The following GRM4 variants were observed in gnomAD, a reference collection of about 807,000 sequenced individuals.
GRM4 encodes the protein glutamate metabotropic receptor 4.
Under a neutral mutation model 81.7 loss-of-function variants are expected in GRM4, and 28 were observed. That is an observed-to-expected ratio of 0.34 (90% CI 0.25 to 0.47). The LOEUF is 0.47. Ranked by LOEUF, GRM4 falls within the 20% of genes least tolerant of loss-of-function variation. The pLI is 1.00. For missense variants in GRM4, 948 were observed against 1,290.0 expected, an observed-to-expected ratio of 0.73 and a Z score of 4.06; for synonymous variants, 488 against 528.8, an observed-to-expected ratio of 0.92 and a Z score of 1.06.
At chr6:34,066,132 C>T (rs986215140) in intron 3 of GRM4, among the ~76,000 whole-genome samples, 5 of 152,168 alleles carry the variant, frequency 3.3e-5, no homozygotes, top group Non-Finnish European at 4.4e-5. Flanking sequence ...CAGAACCACA[C>T]GGCAGCGTCT....
intron 6 of GRM4, among the ~76,000 whole-genome samples, chr6:34,043,968 T>G (rs566411765): frequency 2.6e-5 from 4 of 152,078 alleles, no homozygotes; most frequent in African/African-American, 9.6e-5. Flanking sequence ...CTACCCCCAG[T>G]AGCATATGGA....
At position 34,070,071 on chromosome 6, in the gene GRM4, C is replaced by G. The variant is rs1214757771; in HGVS notation, c.737-8043G>C. Among the ~76,000 whole-genome samples, 1 of 152,180 alleles carries G rather than the reference C, an allele frequency of 6.6e-6. No homozygotes were observed. The highest frequency in any genetic ancestry group is 1.5e-5 in the Non-Finnish European group (1 of 68,010). On this transcript the variant is annotated intron_variant, in intron 3 of 10. Coordinates refer to ENST00000538487, the MANE Select transcript of GRM4 (RefSeq NM_000841.4). This position sits in a 1 kb window ranked among gnomAD's most constrained non-coding sequence, Gnocchi z 4.6. Reference sequence around the variant, plus strand: ...TTTTGAAGGGACAGCTCGGCAGGAGCTGCCAGCATGGGCGTGAGGGCAGAG... The same window carrying G: ...TTTTGAAGGGACAGCTCGGCAGGAGGTGCCAGCATGGGCGTGAGGGCAGAG...
At chr6:34,110,815 G>C in intron 2 of GRM4, 1 of 1,383,760 alleles carries the variant, frequency 7.2e-7, no homozygotes, top group Non-Finnish European at 9.3e-7. Context: ...CATCTGTCTT[G>C]CCTGGCAGCT....
intron 6 of GRM4, among the ~76,000 whole-genome samples, chr6:34,053,263 TC>T (rs1218656788): frequency 1.3e-5 from 2 of 151,934 alleles, no homozygotes; most frequent in Non-Finnish European, 2.9e-5. Context: ...GGTGGGTCCT[TC>T]CCCTGCCCCT....
intron 1 of GRM4, among the ~76,000 whole-genome samples, chr6:34,143,467 C>G (rs563043158): frequency 6.6e-6 from 1 of 152,338 alleles, no homozygotes; most frequent in East Asian, 1.9e-4. Flanking sequence ...GAGGCCCCTG[C>G]GCTATGGGTG....
chr6:34,144,028 C>T (rs1770813329), intron 1 of GRM4, among the ~76,000 whole-genome samples: 1 of 152,248 alleles, frequency 6.6e-6, no homozygotes, highest in African/African-American at 2.4e-5. Flanking sequence ...CCGGAAAGGC[C>T]GCGTTCTCCC....
intron 5 of GRM4, 62 bp downstream of exon 5, chr6:34,058,909 CGAG>C (rs1766033686): frequency 7.7e-7 from 1 of 1,302,358 alleles, no homozygotes; most frequent in African/African-American, 1.4e-5. Context: ...GGAAGGAAGC[CGAG>C]GAGGGATGGC....
chr6:34,023,856 G>A lies in GRM4; in HGVS notation c.2690-986C>T, dbSNP rs917229620. Among the ~76,000 whole-genome samples, 6 of 152,338 alleles carry A rather than the reference G, an allele frequency of 3.9e-5. No homozygotes were observed. In the South Asian group the frequency reaches 1.2e-3, roughly 32 times the overall value. On this transcript the variant is annotated intron_variant, in intron 10 of 10. Transcript: ENST00000538487. ...GGGGCCTGGCCAGACCCTTGGTTTT[G>A]TCCTGTCTAGCCAGGGTTTAGGGCC... is the stretch of plus-strand genomic sequence containing the variant.
chr6:34,068,755 C>G lies in GRM4; in HGVS notation c.737-6727G>C, dbSNP rs570817825. On this transcript the variant is annotated intron_variant, in intron 3 of 10. Transcript: ENST00000538487. The surrounding 1 kb of genome is among the most constrained non-coding windows in gnomAD (Gnocchi z 4.2). ...CTGCTGTGGGGAGACAGTCAGGGGT[C>G]CCCCAGGCTGTCACCTTGGACACTG... Among the ~76,000 whole-genome samples the G allele has an allele frequency of 8.6e-4, 131 of 152,194 alleles. No individual in the cohort carries two copies. Among genetic ancestry groups the G allele is most frequent in the African/African-American group, 3.1e-3 (128 of 41,534 alleles).
chr6:34,110,436 C>A (rs1159061579), intron 2 of GRM4, among the ~76,000 whole-genome samples: 1 of 152,000 alleles, frequency 6.6e-6, no homozygotes, highest in Non-Finnish European at 1.5e-5. Context: ...CTCCCCCACC[C>A]GACCTGGCCA....
chr6:34,030,197 A>G (rs1250771842), intron 9 of GRM4, among the ~76,000 whole-genome samples: 1 of 152,192 alleles, frequency 6.6e-6, no homozygotes, highest in Non-Finnish European at 1.5e-5. Context: ...GGGCTAATGG[A>G]GAATAGGCTT....
intron 6 of GRM4, among the ~76,000 whole-genome samples, chr6:34,044,861 C>CACATACATACACATATATACAT (rs1765279066): frequency 6.7e-6 from 1 of 148,890 alleles, no homozygotes. Context: ...GACACACACA[C>CACATACATACACATATATACAT]AGACATACAT....
chr6:34,104,055 G>A lies in GRM4; in HGVS notation c.520-11956C>T, dbSNP rs139535849. Among the ~76,000 whole-genome samples the A allele has an allele frequency of 2.6e-5, 4 of 152,346 alleles. No homozygotes were observed. The East Asian group carries it at 5.8e-4, about 22-fold the overall frequency. ...TCCTCAGAAGAGAAGCTGCCCCTCC[G>A]AAGCTGAGGAACATGCCTGGGTTCA... is the stretch of plus-strand genomic sequence containing the variant. On this transcript the variant is annotated intron_variant, in intron 2 of 10. Transcript: ENST00000538487.
intron 6 of GRM4, among the ~76,000 whole-genome samples, chr6:34,046,350 G>A (rs988004856): frequency 5.3e-5 from 8 of 152,098 alleles, no homozygotes; most frequent in Non-Finnish European, 8.8e-5. Flanking sequence ...CATTTAACAC[G>A]ACACTAATAC....
chr6:34,130,849 A>T lies in GRM4; in HGVS notation c.519+2129T>A, dbSNP rs1233065178. ...GTTTTACCATCTTTCTAAAAGACCC[A>T]GAGTCACTAAAGGAGTTTAATTACA... is the stretch of plus-strand genomic sequence containing the variant. On this transcript the variant is annotated intron_variant, in intron 2 of 10. Transcript: ENST00000538487. This position sits in a 1 kb window ranked among gnomAD's most constrained non-coding sequence, Gnocchi z 4.1. 6.6e-6 allele frequency among the ~76,000 whole-genome samples: 1 copy of T among 152,240 alleles called. No individual in the cohort carries two copies. The highest frequency in any genetic ancestry group is 2.4e-5 in the African/African-American group (1 of 41,454).
In GRM4 at chr6:34,068,893, G is replaced by C. The variant is rs546040387; in HGVS notation, c.737-6865C>G. Among the ~76,000 whole-genome samples, 4 of 152,324 alleles carry C rather than the reference G, an allele frequency of 2.6e-5. No individual in the cohort carries two copies. Among genetic ancestry groups the C allele is most frequent in the African/African-American group, 9.6e-5 (4 of 41,570 alleles). On this transcript the variant is annotated intron_variant, in intron 3 of 10. Transcript: ENST00000538487. The surrounding 1 kb of genome is among the most constrained non-coding windows in gnomAD (Gnocchi z 4.2). Reference sequence around the variant, plus strand: ...CAGCCAGCTGGTCCTGAGGCCAGCAGAGACATAGGCACATCCTCGCTTTCT... The same window carrying C: ...CAGCCAGCTGGTCCTGAGGCCAGCACAGACATAGGCACATCCTCGCTTTCT...
Position 34,115,111 on chromosome 6 carries a change from G to A in GRM4, c.519+17867C>T, listed in dbSNP as rs114154545. Among the ~76,000 whole-genome samples the A allele has an allele frequency of 7.8e-3, 1,183 of 152,318 alleles. 17 individuals are homozygous for A. Among genetic ancestry groups the A allele is most frequent in the African/African-American group, 0.025 (1,041 of 41,566 alleles). On this transcript the variant is annotated intron_variant, in intron 2 of 10. Transcript: ENST00000538487. This position sits in a 1 kb window ranked among gnomAD's most constrained non-coding sequence, Gnocchi z 4.1. Reference sequence around the variant, plus strand: ...ACCTCTCCTCAGGGGTTGCCTGGGTGCAAAGAGGTTCACCAGGGTTGAGAG... The same window carrying A: ...ACCTCTCCTCAGGGGTTGCCTGGGTACAAAGAGGTTCACCAGGGTTGAGAG...
chr6:34,155,301 G>A (rs781759024), exon 1 of GRM4: 3 of 1,531,454 alleles, frequency 2.0e-6, no homozygotes, highest in African/African-American at 2.7e-5. Context: ...GTGGGGTACA[G>A]GGGTGGGGTG....
chr6:34,126,634 T>C (rs557252029), intron 2 of GRM4, among the ~76,000 whole-genome samples: 5 of 152,204 alleles, frequency 3.3e-5, no homozygotes, highest in African/African-American at 4.8e-5. Flanking sequence ...CTTGACCCAA[T>C]GGTAAGGTAG....
Sources: gnomAD v4.1 joint callset for allele counts (sites outside exome capture counted in the v4.1 genomes callset) on GRCh38, gnomAD v4.1.1 for gene constraint, Gnocchi (gnomAD v3.1) non-coding constraint, MANE v1.5 for transcripts, NCBI Gene and HGNC (gene_info 2026-07-23, HGNC 2026-07-21) for gene names.